Variants in MAD1L1 observed in about 807,000 individuals in gnomAD.
The protein encoded by MAD1L1 is mitotic spindle assembly checkpoint protein MAD1.
A neutral mutation model predicts 96.9 loss-of-function variants in MAD1L1; 95 were observed. That is an observed-to-expected ratio of 0.98 (90% CI 0.83 to 1.16). The LOEUF is 1.16. Ranked by LOEUF, MAD1L1 falls within the 50% of genes most tolerant of loss-of-function variation. MAD1L1 has a pLI of 0.00. For synonymous variants in MAD1L1, 473 were observed against 396.6 expected (o/e 1.19, Z -2.29); for missense variants, 1,007 against 954.4 (o/e 1.06, Z -0.73).
At chr7:2,129,648 C>T (rs1014846293) in intron 11 of MAD1L1, among the ~76,000 whole-genome samples, 5 of 152,208 alleles carry the variant, frequency 3.3e-5, no homozygotes, top group East Asian at 1.9e-4. Flanking sequence ...GTCTCCCTGA[C>T]GAGAGCAAGG....
chr7:2,202,561 T>G (rs182312947), intron 10 of MAD1L1, among the ~76,000 whole-genome samples: 15 of 152,336 alleles, frequency 9.8e-5, no homozygotes, highest in African/African-American at 1.7e-4. Flanking sequence ...GCATCCGGCA[T>G]GCAGGCCCAG....
At chr7:2,167,322 C>T (rs995665795) in intron 10 of MAD1L1, among the ~76,000 whole-genome samples, 83 of 150,316 alleles carry the variant, frequency 5.5e-4, no homozygotes, top group African/African-American at 1.7e-3. Flanking sequence ...CTGAGGCGGG[C>T]GGATCACGAG....
chr7:2,101,611 T>A (rs1393126183), intron 11 of MAD1L1, among the ~76,000 whole-genome samples: 3 of 152,004 alleles, frequency 2.0e-5, no homozygotes, highest in Non-Finnish European at 4.4e-5. Context: ...GGCGTGAGAC[T>A]GGGGCTCCAT....
At position 2,164,399 on chromosome 7, in the gene MAD1L1, G is replaced by A. The variant is rs1790316382; in HGVS notation, c.987-15161C>T. Among the ~76,000 whole-genome samples the A allele has an allele frequency of 2.0e-5, 3 of 152,332 alleles. No individual in the cohort carries two copies. In the South Asian group the frequency reaches 6.2e-4, roughly 32 times the overall value. On this transcript the variant is annotated intron_variant, in intron 10 of 18. Coordinates refer to ENST00000265854, the MANE Select transcript of MAD1L1 (RefSeq NM_001013836.2). ...AAACAGACAATTCGACCCTCCTGCAGGAGCTCTGCGCTGAGGGCACCCGGC... is the reference window on the plus strand; with the variant it reads ...AAACAGACAATTCGACCCTCCTGCAAGAGCTCTGCGCTGAGGGCACCCGGC...
intron 16 of MAD1L1, among the ~76,000 whole-genome samples, chr7:1,945,943 G>A (rs904769637): frequency 1.3e-5 from 2 of 152,156 alleles, no homozygotes; most frequent in Non-Finnish European, 2.9e-5. Context: ...AAAGACCCAA[G>A]CACTTCCCAC....
chr7:1,818,671 G>A (rs930517959), intron 18 of MAD1L1, among the ~76,000 whole-genome samples: 1 of 152,038 alleles, frequency 6.6e-6, no homozygotes, highest in Non-Finnish European at 1.5e-5. Context: ...TGCCCACGAC[G>A]TGAGGATTAC....
At chr7:2,098,587 C>T (rs1449006424) in intron 11 of MAD1L1, among the ~76,000 whole-genome samples, 1 of 152,208 alleles carries the variant, frequency 6.6e-6, no homozygotes, top group Non-Finnish European at 1.5e-5. Context: ...AAGGACGGCC[C>T]CCTCAAACAA....
chr7:2,077,517 C>G (rs1312111946), intron 11 of MAD1L1, among the ~76,000 whole-genome samples: 1 of 152,146 alleles, frequency 6.6e-6, no homozygotes, highest in Non-Finnish European at 1.5e-5. Flanking sequence ...CAAGCAACAG[C>G]ACTGCCACAC....
chr7:1,961,530 G>A (rs1323970738), intron 15 of MAD1L1, among the ~76,000 whole-genome samples: 1 of 152,126 alleles, frequency 6.6e-6, no homozygotes, highest in Non-Finnish European at 1.5e-5. Context: ...TGTTCTTGGG[G>A]GAAATAAAGA....
rs558341278 is a variant in MAD1L1 at position 2,098,355 on chromosome 7, G to A, written c.1074-29017C>T. On this transcript the variant is annotated intron_variant, in intron 11 of 18. Transcript: ENST00000265854. ...CAGCACACGCCACGGGGACCCAGGT[G>A]CTCAGTCCAGACAGGAACAAGAGAC... is the stretch of plus-strand genomic sequence containing the variant. Among the ~76,000 whole-genome samples, 6 of 152,316 alleles carry A rather than the reference G, an allele frequency of 3.9e-5. No homozygotes were observed. In the East Asian group the frequency reaches 1.2e-3, roughly 29 times the overall value.
At chr7:2,215,333 G>A (rs905875964) in intron 9 of MAD1L1, among the ~76,000 whole-genome samples, 2 of 140,362 alleles carry the variant, frequency 1.4e-5, no homozygotes, top group South Asian at 4.4e-4. Flanking sequence ...AGCCGAGATC[G>A]CACCATTGCA....
rs555650800 is a variant in MAD1L1 at position 2,104,846 on chromosome 7, T to G, written c.1074-35508A>C. 2.1e-4 allele frequency among the ~76,000 whole-genome samples: 32 copies of G among 152,372 alleles called. No individual in the cohort carries two copies. In the East Asian group the frequency reaches 6.2e-3, roughly 29 times the overall value. ...CCACGCCAGGCCGTGCACAGCCATG[T>G]GGGCTCAGCCTGCAGCTGCCTCTCC... On this transcript the variant is annotated intron_variant, in intron 11 of 18. Transcript: ENST00000265854.
intron 18 of MAD1L1, among the ~76,000 whole-genome samples, chr7:1,869,761 G>A (rs1477922080): frequency 6.6e-6 from 1 of 152,174 alleles, no homozygotes; most frequent in Admixed American, 6.5e-5. Context: ...TCACGTGCGT[G>A]GGCTCCATGG....
chr7:1,987,071 C>T (rs375618095), intron 14 of MAD1L1, among the ~76,000 whole-genome samples: 148 of 152,288 alleles, frequency 9.7e-4, no homozygotes, highest in Middle Eastern at 3.4e-3. Flanking sequence ...CTACACCCCC[C>T]GCTCCCATCC....
intron 15 of MAD1L1, among the ~76,000 whole-genome samples, chr7:1,976,020 C>A (rs1212709769): frequency 6.6e-6 from 1 of 152,216 alleles, no homozygotes; most frequent in Non-Finnish European, 1.5e-5. Flanking sequence ...GGCTCCTCAG[C>A]TGCTGCCTCT....
chr7:2,207,599 C>T (rs995081956), intron 10 of MAD1L1, among the ~76,000 whole-genome samples: 7 of 152,188 alleles, frequency 4.6e-5, no homozygotes, highest in Admixed American at 2.0e-4. Flanking sequence ...ATGGAAGCTC[C>T]GCGCCTCTCC....
At chr7:1,929,332 A>C (rs1789292128) in intron 17 of MAD1L1, among the ~76,000 whole-genome samples, 1 of 152,196 alleles carries the variant, frequency 6.6e-6, no homozygotes, top group African/African-American at 2.4e-5. Context: ...TGTGCTGCTA[A>C]GATTATTTTA....
intron 12 of MAD1L1, among the ~76,000 whole-genome samples, chr7:2,046,040 G>A (rs1018080797): frequency 3.9e-5 from 6 of 152,296 alleles, no homozygotes; most frequent in Admixed American, 1.3e-4. Flanking sequence ...GGGAAGACCA[G>A]CTGAGTGCTG....
At position 2,222,745 on chromosome 7, in the gene MAD1L1, C is replaced by T. The variant is rs748474801; in HGVS notation, c.301G>A (p.Asp101Asn). The change falls in exon 5 of 19, where the codon GAC (aspartate) becomes AAC (asparagine). Residue 101 changes from aspartate to asparagine, a missense_variant. Physicochemically the swap from Asp to Asn is conservative, Grantham distance 23. Coordinates refer to ENST00000265854, the MANE Select transcript of MAD1L1 (RefSeq NM_001013836.2). ...TSARNYEREV[D>N]RNQELLTRIR... is the part of the protein sequence containing the mutation. ...CGCGTCAGGAGCTCCTGGTTGCGGT[C>T]GACCTCACGCTGTTAAGAGAGCAAG... The T allele has an allele frequency of 3.1e-6, 5 of 1,599,236 alleles. No homozygotes were observed. Among genetic ancestry groups the T allele is most frequent in the African/African-American group, 1.3e-5 (1 of 74,730 alleles).
Sources: allele counts gnomAD v4.1 joint callset (sites outside exome capture counted in the v4.1 genomes callset), GRCh38; gene constraint gnomAD v4.1.1; transcripts MANE v1.5; gene names NCBI Gene and HGNC (gene_info 2026-07-23, HGNC 2026-07-21).